SGCZ: variants seen among roughly 807,000 people sequenced by gnomAD.
SGCZ encodes the protein sarcoglycan zeta, also known as zeta-sarcoglycan.
SGCZ carries 40 observed loss-of-function variants against 41.3 expected under a neutral mutation model. The ratio of observed to expected loss-of-function variants is 0.97; its 90% CI spans 0.75 to 1.26. The LOEUF (loss-of-function observed/expected upper bound fraction) is 1.26. Ranked by LOEUF, SGCZ falls within the 50% of genes most tolerant of loss-of-function variation. The pLI is 0.00. For missense variants in SGCZ, 552 were observed against 369.8 expected, an observed-to-expected ratio of 1.49 and a Z score of -4.04; for synonymous variants, 206 against 137.5, an observed-to-expected ratio of 1.50 and a Z score of -3.49.
chr8:14,303,163 A>C (rs567272588), intron 3 of SGCZ, among the ~76,000 whole-genome samples: 1 of 152,232 alleles, frequency 6.6e-6, no homozygotes, highest in Non-Finnish European at 1.5e-5. Context: ...TTAAATTTCC[A>C]AACATGTCAG....
chr8:14,618,548 A>G (rs930826374), intron 1 of SGCZ, among the ~76,000 whole-genome samples: 1 of 152,190 alleles, frequency 6.6e-6, no homozygotes, highest in African/African-American at 2.4e-5. Flanking sequence ...GAAAAGTAAC[A>G]AGAGTGGAAA....
chr8:14,799,274 A>C (rs1048864264), intron 1 of SGCZ, among the ~76,000 whole-genome samples: 1 of 152,166 alleles, frequency 6.6e-6, no homozygotes, highest in Non-Finnish European at 1.5e-5. Flanking sequence ...ATACTGCTAA[A>C]CTTTTTATTT....
At chr8:15,138,818 T>C (rs542763532) in intron 1 of SGCZ, among the ~76,000 whole-genome samples, 1 of 152,282 alleles carries the variant, frequency 6.6e-6, no homozygotes, top group South Asian at 2.1e-4. Flanking sequence ...GATAAAAATG[T>C]TTAAACCATG....
At chr8:14,206,001 A>T (rs893170104) in intron 4 of SGCZ, among the ~76,000 whole-genome samples, 2 of 152,120 alleles carry the variant, frequency 1.3e-5, no homozygotes, top group African/African-American at 4.8e-5. Context: ...TACATAATTG[A>T]TATTTAAACT....
chr8:14,847,445 G>T (rs1481686991), intron 1 of SGCZ, among the ~76,000 whole-genome samples: 1 of 151,846 alleles, frequency 6.6e-6, no homozygotes, highest in Non-Finnish European at 1.5e-5. Flanking sequence ...TGACTTCATT[G>T]CAGGAATGCA....
intron 1 of SGCZ, among the ~76,000 whole-genome samples, chr8:14,896,958 T>G (rs1225565308): frequency 6.6e-6 from 1 of 151,656 alleles, no homozygotes; most frequent in Non-Finnish European, 1.5e-5. Flanking sequence ...ATTTTTTTGG[T>G]ATTTTTAGTA....
chr8:14,256,597 A>G (rs1163657048), intron 3 of SGCZ, among the ~76,000 whole-genome samples: 1 of 152,164 alleles, frequency 6.6e-6, no homozygotes, highest in Non-Finnish European at 1.5e-5. Flanking sequence ...AACCCTTAAG[A>G]CAATGCATTT....
chr8:14,177,743 C>A (rs1423278989), intron 4 of SGCZ, among the ~76,000 whole-genome samples: 1 of 137,186 alleles, frequency 7.3e-6, no homozygotes, highest in African/African-American at 2.7e-5. Flanking sequence ...CCAGGATGGT[C>A]TCGATCTCCT....
At chr8:14,797,639 C>T (rs1038149610) in intron 1 of SGCZ, among the ~76,000 whole-genome samples, 2 of 152,198 alleles carry the variant, frequency 1.3e-5, no homozygotes, top group Admixed American at 6.5e-5. Flanking sequence ...TGACAAGGAG[C>T]TGAATGTTAT....
intron 2 of SGCZ, among the ~76,000 whole-genome samples, chr8:14,539,863 C>A (rs1427526703): frequency 6.6e-6 from 1 of 151,810 alleles, no homozygotes; most frequent in Non-Finnish European, 1.5e-5. Context: ...GCCTGGAATG[C>A]AGAGATGTCA....
intron 1 of SGCZ, among the ~76,000 whole-genome samples, chr8:14,873,720 T>A (rs1183253132): frequency 6.6e-6 from 1 of 152,140 alleles, no homozygotes; most frequent in South Asian, 2.1e-4. Context: ...TAACCCCAGC[T>A]CCTTCCACTG....
intron 4 of SGCZ, among the ~76,000 whole-genome samples, chr8:14,176,242 T>C (rs1804538099): frequency 1.3e-5 from 2 of 152,232 alleles, no homozygotes; most frequent in Non-Finnish European, 1.5e-5. Context: ...TTCAACTGAA[T>C]ATTTTACAAG....
chr8:14,912,531 A>T (rs913848742), intron 1 of SGCZ, among the ~76,000 whole-genome samples: 9 of 152,090 alleles, frequency 5.9e-5, no homozygotes, highest in African/African-American at 2.2e-4. Context: ...ACATCAAATT[A>T]GGACAACATA....
rs147923785 is a variant in SGCZ, at chr8:15,185,065, T to C, written c.39+52520A>G. The stretch of plus-strand genomic sequence containing the variant: ...AAATATCACCCTGCTACATACAAGG[T>C]GGAAAATGGATCTCAAAATTTTGGA... On this transcript the variant is annotated intron_variant, in intron 1 of 7. Coordinates refer to ENST00000382080, the MANE Select transcript of SGCZ (RefSeq NM_139167.4). Among the ~76,000 whole-genome samples the C allele has an allele frequency of 6.2e-3, 937 of 152,216 alleles. 14 individuals are homozygous for C. Among genetic ancestry groups the C allele is most frequent in the African/African-American group, 0.021 (883 of 41,542 alleles).
intron 4 of SGCZ, among the ~76,000 whole-genome samples, chr8:14,169,680 G>A (rs1021503145): frequency 2.0e-5 from 3 of 152,120 alleles, no homozygotes; most frequent in East Asian, 1.9e-4. Context: ...GTCCAGTTCT[G>A]TTATGAGCAT....
At chr8:15,218,599 C>T (rs1801493703) in intron 1 of SGCZ, among the ~76,000 whole-genome samples, 1 of 152,206 alleles carries the variant, frequency 6.6e-6, no homozygotes, top group South Asian at 2.1e-4. Flanking sequence ...GGCCACCTAC[C>T]AATACTGTTT....
At chr8:14,504,608 C>G (rs1802251263) in intron 2 of SGCZ, among the ~76,000 whole-genome samples, 1 of 151,758 alleles carries the variant, frequency 6.6e-6, no homozygotes, top group Non-Finnish European at 1.5e-5. Context: ...TTTGTTTTTT[C>G]TGTTCTTTTA....
chr8:14,720,168 C>CA lies in SGCZ; in HGVS notation c.40-165243dup, dbSNP rs545571517. Among the ~76,000 whole-genome samples the CA allele has an allele frequency of 1.9e-3, 289 of 151,670 alleles. 2 individuals are homozygous for CA. Among genetic ancestry groups the CA allele is most frequent in the Middle Eastern group, 0.017 (5 of 292 alleles). ...GATCTTGGCCACAAATACATATCTT[C>CA]AAAAAAATACCTACTTGATCAATAA... On this transcript the variant is annotated intron_variant, in intron 1 of 7. Coordinates refer to ENST00000382080, the MANE Select transcript of SGCZ (RefSeq NM_139167.4).
intron 2 of SGCZ, among the ~76,000 whole-genome samples, chr8:14,454,474 A>T (rs1261160753): frequency 5.9e-5 from 9 of 152,166 alleles, no homozygotes; most frequent in African/African-American, 2.2e-4. Context: ...TGAAGTTAAC[A>T]TTTAATTCAT....
Sources: gnomAD v4.1 joint callset for allele counts (sites outside exome capture counted in the v4.1 genomes callset) on GRCh38, gnomAD v4.1.1 for gene constraint, MANE v1.5 for transcripts, NCBI Gene and HGNC (gene_info 2026-07-23, HGNC 2026-07-21) for gene names.